The following GSE1 variants were observed in gnomAD, a reference collection of about 807,000 sequenced individuals.
The protein encoded by GSE1 is Gse1 coiled-coil protein, also known as genetic suppressor element 1.
Under a neutral mutation model 112.6 loss-of-function variants are expected in GSE1, and 32 were observed. That is an observed-to-expected ratio of 0.28 (90% CI 0.21 to 0.38). The LOEUF (loss-of-function observed/expected upper bound fraction) is 0.38, where lower values mean the gene tolerates loss of function less well. GSE1 is among the 10% of genes least tolerant of loss of function. GSE1 has a pLI of 1.00. For synonymous variants in GSE1, 1,115 were observed against 735.6 expected, an observed-to-expected ratio of 1.52 and a Z score of -8.35; for missense variants, 2,348 against 1,699.2, an observed-to-expected ratio of 1.38 and a Z score of -6.71.
intron 1 of GSE1, among the ~76,000 whole-genome samples, chr16:85,198,312 T>A (rs1187788312): frequency 6.6e-6 from 1 of 151,954 alleles, no homozygotes; most frequent in Non-Finnish European, 1.5e-5. Flanking sequence ...ACGGACGAGG[T>A]CAACAGGGGA....
intron 2 of GSE1, among the ~76,000 whole-genome samples, chr16:85,530,652 T>A (rs551734793): frequency 6.6e-6 from 1 of 152,316 alleles, no homozygotes; most frequent in African/African-American, 2.4e-5. Flanking sequence ...GGTGCGTTCA[T>A]TAAAATTTGA....
intron 1 of GSE1, among the ~76,000 whole-genome samples, chr16:85,629,035 C>T (rs921142894): frequency 6.6e-6 from 1 of 152,192 alleles, no homozygotes; most frequent in Non-Finnish European, 1.5e-5. Context: ...CTCGCAAGAT[C>T]TGGGTGTTTA....
rs1178162022 is a variant in GSE1 at position 85,409,273 on chromosome 16, G to T, written c.2464+51630G>T. Among the ~76,000 whole-genome samples, 5 of 40,498 alleles carry T rather than the reference G, an allele frequency of 1.2e-4. 1 individual carries two copies. Among genetic ancestry groups the T allele is most frequent in the African/African-American group, 3.7e-4 (3 of 8,184 alleles). The allele number at this position is 40,498 out of a possible 152,430, so 26.6% of individuals were successfully genotyped here. A position where few individuals can be genotyped will look rare whatever the true frequency, so the allele number is the denominator to read the frequency against. ...GGATAATCCTCACTGTTGCACTCAG[G>T]GTCCCTCTGATAATCCTCACTGTTA... On this transcript the variant is annotated intron_variant, in intron 2 of 2. Coordinates refer to the GSE1 transcript ENST00000637419.
intron 1 of GSE1, among the ~76,000 whole-genome samples, chr16:85,319,260 G>A (rs12920751): frequency 0.011 from 1,654 of 152,336 alleles, 18 homozygotes; most frequent in Non-Finnish European, 0.018. Flanking sequence ...AAAAGTAGGC[G>A]TGTGACCCAG....
At chr16:85,613,304 G>C, upstream of GSE1, 2 of 1,545,528 alleles carry the variant, frequency 1.3e-6, no homozygotes, top group Non-Finnish European at 1.7e-6. Flanking sequence ...CCGCCGAGCA[G>C]CCCCGGGTGA....
At chr16:85,294,859 A>AGTGTAC (rs2045324379) in intron 1 of GSE1, among the ~76,000 whole-genome samples, 1 of 151,978 alleles carries the variant, frequency 6.6e-6, no homozygotes, top group Non-Finnish European at 1.5e-5. Flanking sequence ...ACCATTTGAA[A>AGTGTAC]GTGTACAGTT....
At chr16:85,538,938 G>A (rs2044424913) in intron 2 of GSE1, among the ~76,000 whole-genome samples, 1 of 151,988 alleles carries the variant, frequency 6.6e-6, no homozygotes, top group African/African-American at 2.4e-5. Context: ...GTGGCCTACA[G>A]CTGTGTTCAC....
intron 1 of GSE1, among the ~76,000 whole-genome samples, chr16:85,186,780 A>G (rs2074711784): frequency 6.6e-6 from 1 of 152,172 alleles, no homozygotes. Context: ...AACAAAAGAC[A>G]AAAAAATCTA....
intron 2 of GSE1, among the ~76,000 whole-genome samples, chr16:85,452,487 GGCAA>G (rs1356385774): frequency 1.3e-5 from 2 of 152,234 alleles, no homozygotes; most frequent in Non-Finnish European, 2.9e-5. Flanking sequence ...CTGGGACTGT[GGCAA>G]GGCCACTGGG....
chr16:85,339,928 C>T (rs72809701), intron 1 of GSE1, among the ~76,000 whole-genome samples: 8 of 152,048 alleles, frequency 5.3e-5, no homozygotes, highest in South Asian at 2.1e-4. Flanking sequence ...GTGCCAAGAA[C>T]GGTGCTTGGC....
intron 1 of GSE1, among the ~76,000 whole-genome samples, chr16:85,250,686 C>A (rs1035761328): frequency 2.6e-5 from 4 of 152,152 alleles, no homozygotes; most frequent in African/African-American, 9.7e-5. Context: ...ATTCACATAT[C>A]ATGCAAGCCA....
chr16:85,422,655 C>A (rs1393430242), intron 2 of GSE1, among the ~76,000 whole-genome samples: 1 of 150,966 alleles, frequency 6.6e-6, no homozygotes, highest in East Asian at 1.9e-4. Context: ...CCGCAAGAAG[C>A]GGCATTCTGA....
intron 2 of GSE1, among the ~76,000 whole-genome samples, chr16:85,645,769 G>C (rs1416322499): frequency 6.6e-6 from 1 of 152,246 alleles, no homozygotes; most frequent in African/African-American, 2.4e-5. Context: ...GAGCTGATGG[G>C]CTGGGGTCCT....
chr16:85,451,437 G>C (rs1178026848), intron 2 of GSE1, among the ~76,000 whole-genome samples: 1 of 151,258 alleles, frequency 6.6e-6, no homozygotes, highest in Non-Finnish European at 1.5e-5. Context: ...GCTGGTGGTG[G>C]TTGGTGTGTG....
chr16:85,305,245 A>G (rs1431106094), intron 1 of GSE1, among the ~76,000 whole-genome samples: 1 of 152,232 alleles, frequency 6.6e-6, no homozygotes, highest in African/African-American at 2.4e-5. Context: ...CAGTCCGCGA[A>G]GCTAGAATCT....
chr16:85,435,627 G>T (rs1251431756), intron 2 of GSE1, among the ~76,000 whole-genome samples: 1 of 152,138 alleles, frequency 6.6e-6, no homozygotes, highest in Non-Finnish European at 1.5e-5. Flanking sequence ...TTTGAGGGGG[G>T]ATCTGGGCTT....
At chr16:85,509,233 G>A (rs1220080052) in intron 2 of GSE1, among the ~76,000 whole-genome samples, 6 of 152,350 alleles carry the variant, frequency 3.9e-5, no homozygotes, top group South Asian at 2.1e-4. Context: ...GGGCAGGAAG[G>A]GTTGGATCCA....
chr16:85,267,894 G>A (rs181539461), intron 1 of GSE1, among the ~76,000 whole-genome samples: 36 of 152,300 alleles, frequency 2.4e-4, no homozygotes, highest in African/African-American at 7.5e-4. Flanking sequence ...CAGACTAACC[G>A]TCGGCCCCAG....
intron 1 of GSE1, among the ~76,000 whole-genome samples, chr16:85,222,543 G>A (rs1044267613): frequency 6.6e-6 from 1 of 152,198 alleles, no homozygotes; most frequent in Non-Finnish European, 1.5e-5. Flanking sequence ...CCAGGAGGCT[G>A]ATAGCTATTT....
Sources: allele counts gnomAD v4.1 joint callset (sites outside exome capture counted in the v4.1 genomes callset), GRCh38; gene constraint gnomAD v4.1.1; transcripts MANE v1.5; gene names NCBI Gene and HGNC (gene_info 2026-07-23, HGNC 2026-07-21).